The following ARHGAP29 variants were observed in gnomAD, a reference collection of about 807,000 sequenced individuals.
ARHGAP29 encodes the protein Rho GTPase activating protein 29.
In ARHGAP29, 43 loss-of-function variants were observed where a neutral mutation model predicts 122.6. That is an observed-to-expected ratio of 0.35 (90% CI 0.27 to 0.45). The LOEUF (loss-of-function observed/expected upper bound fraction) is 0.45. Among genes scored for constraint, ARHGAP29 ranks in the 20% least tolerant of loss-of-function variants. The pLI, the probability that ARHGAP29 is intolerant of heterozygous loss-of-function variation, is 1.00. For missense variants in ARHGAP29, 1,303 were observed against 1,477.2 expected, an observed-to-expected ratio of 0.88 and a Z score of 1.93; for synonymous variants, 506 against 497.1, an observed-to-expected ratio of 1.02 and a Z score of -0.24.
chr1:94,177,670 T>A lies in ARHGAP29; in HGVS notation c.2847A>T (p.Ser949=). 2 of 1,613,676 alleles carry A rather than the reference T, an allele frequency of 1.2e-6. No homozygotes were observed. The highest frequency in any genetic ancestry group is 1.7e-6 in the Non-Finnish European group (2 of 1,179,854). ...TTTGCTTGCGTTCTGATTCCTCAAATGATGTAGCTCGTTCAAAAATTTTGC... is the reference window on the plus strand; with the variant it reads ...TTTGCTTGCGTTCTGATTCCTCAAAAGATGTAGCTCGTTCAAAAATTTTGC... ...SESKIFERAT[S]FEESERKQNA... Residue 949 remains serine (S), a synonymous_variant, in exon 22 of 23, where the codon TCA becomes TCT. Coordinates refer to ENST00000260526, the MANE Select transcript of ARHGAP29 (RefSeq NM_004815.4).
chr1:94,288,452 G>A, the ARHGAP29 span, among the ~76,000 whole-genome samples: 1 of 152,192 alleles, frequency 6.6e-6, no homozygotes, highest in Non-Finnish European at 1.5e-5. Context: ...TAGGTTGCCT[G>A]TCCACTCTGA....
chr1:94,197,377 T>G (rs1650542095), intron 12 of ARHGAP29, among the ~76,000 whole-genome samples: 1 of 152,214 alleles, frequency 6.6e-6, no homozygotes, highest in Admixed American at 6.5e-5. Flanking sequence ...AAAAAAAAAT[T>G]TTCCAAAGGA....
intron 2 of ARHGAP29, among the ~76,000 whole-genome samples, chr1:94,228,429 A>T (rs1371237197): frequency 6.6e-6 from 1 of 151,830 alleles, no homozygotes; most frequent in African/African-American, 2.4e-5. Context: ...CATTCTTAAC[A>T]AAAAATTAAA....
At chr1:94,296,280 C>A in the ARHGAP29 span, among the ~76,000 whole-genome samples, 22 of 152,300 alleles carry the variant, frequency 1.4e-4, no homozygotes, top group South Asian at 4.6e-3. Context: ...GTAGCTCTCT[C>A]AGTTAGCAGA....
At chr1:94,261,528 T>A (rs573914765) in intron 1 of ARHGAP29, among the ~76,000 whole-genome samples, 4 of 152,292 alleles carry the variant, frequency 2.6e-5, no homozygotes, top group African/African-American at 9.6e-5. Flanking sequence ...ACCTGAACGC[T>A]CCTTAAGCTG....
At chr1:94,312,215 C>A in the ARHGAP29 span, among the ~76,000 whole-genome samples, 2 of 152,116 alleles carry the variant, frequency 1.3e-5, no homozygotes, top group Admixed American at 6.6e-5. Flanking sequence ...CCTTCCACAT[C>A]CCCCTAACTC....
intron 3 of ARHGAP29, among the ~76,000 whole-genome samples, chr1:94,218,822 T>C (rs1445750147): frequency 6.6e-6 from 1 of 152,150 alleles, no homozygotes; most frequent in African/African-American, 2.4e-5. Flanking sequence ...CTTAAGTATA[T>C]GAACTATATT....
At chr1:94,195,351 C>A (rs897689617) in intron 12 of ARHGAP29, 1 of 152,104 alleles carries the variant, frequency 6.6e-6, no homozygotes, top group Non-Finnish European at 1.5e-5. Context: ...GACAGTGGTG[C>A]CAGGGGAGGT....
chr1:94,278,002 T>C (rs1198933636), upstream of ARHGAP29, among the ~76,000 whole-genome samples: 3 of 152,220 alleles, frequency 2.0e-5, no homozygotes, highest in African/African-American at 2.4e-5. Context: ...ATTTTGTTGG[T>C]ATATTGGTCA....
chr1:94,246,195 T>C (rs1470472609), intron 1 of ARHGAP29, among the ~76,000 whole-genome samples: 1 of 152,166 alleles, frequency 6.6e-6, no homozygotes, highest in Admixed American at 6.5e-5. Flanking sequence ...AGCATCAGGG[T>C]TGCTTACTTA....
chr1:94,254,642 G>A (rs938165514), intron 1 of ARHGAP29, among the ~76,000 whole-genome samples: 1 of 152,186 alleles, frequency 6.6e-6, no homozygotes, highest in African/African-American at 2.4e-5. Flanking sequence ...GGTAAAACAA[G>A]CCTACTAAAA....
rs141790636 is a variant in ARHGAP29 at position 94,177,654 on chromosome 1, G to A, written c.2863C>T (p.Arg955Cys). Residue 955 changes from arginine (R) to cysteine (C), a missense_variant, in exon 22 of 23, where the codon CGC becomes TGC. Around this residue, in one of 3 missense-constraint regions of ARHGAP29, gnomAD observed 620 missense variants for 651.2 expected, o/e 0.95. Transcript: ENST00000260526. ...ERATSFEESE[R>C]KQNALGKCDA... ...CATTTTCCTAACGCATTTTGCTTGC[G>A]TTCTGATTCCTCAAATGATGTAGCT... is the stretch of plus-strand genomic sequence containing the variant. 11 of 1,612,764 alleles carry A rather than the reference G, an allele frequency of 6.8e-6. No individual in the cohort carries two copies. Among genetic ancestry groups the A allele is most frequent in the Admixed American group, 1.7e-5 (1 of 59,872 alleles).
the ARHGAP29 span, among the ~76,000 whole-genome samples, chr1:94,295,369 C>A: frequency 6.6e-6 from 1 of 152,050 alleles, no homozygotes; most frequent in Admixed American, 6.5e-5. Flanking sequence ...GAAATAAAAA[C>A]TAGAGGAAGC....
Position 94,171,411 on chromosome 1 carries a change from A to G in ARHGAP29, c.*2458T>C, listed in dbSNP as rs904380300. On this transcript the variant is annotated 3_prime_UTR_variant, in exon 23 of 23. Transcript: ENST00000260526. The stretch of plus-strand genomic sequence containing the variant: ...AACCCTTCAGAAATGACTTCTTCTG[A>G]GTCGTTTGGACAATACGCATCATCT... Among the ~76,000 whole-genome samples, 1 of 152,190 alleles carries G rather than the reference A, an allele frequency of 6.6e-6. No individual in the cohort carries two copies. Among genetic ancestry groups the G allele is most frequent in the African/African-American group, 2.4e-5 (1 of 41,450 alleles).
At chr1:94,228,944 A>G (rs1199503731) in intron 2 of ARHGAP29, among the ~76,000 whole-genome samples, 3 of 151,856 alleles carry the variant, frequency 2.0e-5, no homozygotes, top group Admixed American at 2.0e-4. Context: ...GTATATCTAC[A>G]TTCTTTATTC....
chr1:94,207,135 A>G (rs1651253812), intron 5 of ARHGAP29, among the ~76,000 whole-genome samples: 2 of 151,582 alleles, frequency 1.3e-5, no homozygotes, highest in Non-Finnish European at 2.9e-5. Flanking sequence ...CAGCCTCCCA[A>G]ATAGCTGGGA....
the ARHGAP29 span, among the ~76,000 whole-genome samples, chr1:94,310,394 G>A: frequency 6.6e-6 from 1 of 152,202 alleles, no homozygotes; most frequent in East Asian, 1.9e-4. Flanking sequence ...TAGTGTCCAG[G>A]TGCCACCCTT....
the ARHGAP29 span, among the ~76,000 whole-genome samples, chr1:94,310,727 T>TTA: frequency 6.6e-6 from 1 of 152,082 alleles, no homozygotes; most frequent in Admixed American, 6.5e-5. Flanking sequence ...AATGTTGTGT[T>TTA]TATACCCTCA....
chr1:94,204,602 A>C (rs2101519989), intron 7 of ARHGAP29, among the ~76,000 whole-genome samples: 1 of 152,114 alleles, frequency 6.6e-6, no homozygotes, highest in East Asian at 1.9e-4. Context: ...TAATATAGGA[A>C]AAACAATTCT....
Sources: gnomAD v4.1 joint callset for allele counts (sites outside exome capture counted in the v4.1 genomes callset) on GRCh38, gnomAD v4.1.1 for gene constraint, gnomAD v4.1.1 regional missense constraint, MANE v1.5 for transcripts, NCBI Gene and HGNC (gene_info 2026-07-23, HGNC 2026-07-21) for gene names.